The following CABCOCO1 variants were observed in gnomAD, a reference collection of about 807,000 sequenced individuals.
CABCOCO1 encodes the protein ciliary associated calcium binding coiled-coil 1.
A neutral mutation model predicts 35.7 loss-of-function variants in CABCOCO1; 28 were observed. That is an observed-to-expected ratio of 0.78 (90% CI 0.58 to 1.07). The LOEUF is 1.07. Among genes scored for constraint, CABCOCO1 ranks in the 50% least tolerant of loss-of-function variants. The probability of loss-of-function intolerance (pLI) is 0.00; values close to 1 mark genes in which losing one functional copy is unlikely to be tolerated. For missense variants in CABCOCO1, 326 were observed against 309.2 expected (o/e 1.05, Z -0.41); for synonymous variants, 95 against 100.1 (o/e 0.95, Z 0.30).
At chr10:61,721,369 C>T (rs1397735282) in intron 5 of CABCOCO1, among the ~76,000 whole-genome samples, 4 of 152,112 alleles carry the variant, frequency 2.6e-5, no homozygotes, top group African/African-American at 9.7e-5. Flanking sequence ...TTCTCCATCA[C>T]GTAATCCCCA....
chr10:61,764,987 T>A (rs1467871441), intron 7 of CABCOCO1, among the ~76,000 whole-genome samples: 1 of 152,208 alleles, frequency 6.6e-6, no homozygotes. Context: ...TTGATTTTTT[T>A]AAATGTCTTC....
chr10:61,760,906 C>G lies in CABCOCO1; in HGVS notation c.719C>G (p.Thr240Ser), dbSNP rs1841995903. 1 of 1,612,592 alleles carries G rather than the reference C, an allele frequency of 6.2e-7. No homozygotes were observed. Among genetic ancestry groups the G allele is most frequent in the Non-Finnish European group, 8.5e-7 (1 of 1,179,090 alleles). ...EQGPEESQPE[T>S]DTSDMDPLVG... The stretch of plus-strand genomic sequence containing the variant: ...GGCCCTGAGGAGTCTCAGCCAGAAA[C>G]TGACACCTCAGACATGGATCCTTTA... Residue 240 changes from threonine to serine, a missense_variant, in exon 7 of 8, where the codon ACT becomes AGT. Thr to Ser is a moderately conservative substitution (Grantham distance 58, BLOSUM62 1). Transcript: ENST00000648843.
At chr10:61,688,861 GA>G (rs1345851496) in intron 4 of CABCOCO1, among the ~76,000 whole-genome samples, 1 of 152,198 alleles carries the variant, frequency 6.6e-6, no homozygotes, top group East Asian at 1.9e-4. Flanking sequence ...TATCGCAGCT[GA>G]AGTGTCACTT....
intron 7 of CABCOCO1, 56 bp from the exon 8 acceptor site, chr10:61,765,883 A>G: frequency 4.7e-6 from 7 of 1,495,234 alleles, no homozygotes; most frequent in Non-Finnish European, 5.6e-6. Context: ...CACAAAGACA[A>G]TGTGCAGCAA....
intron 5 of CABCOCO1, among the ~76,000 whole-genome samples, chr10:61,698,213 C>A (rs1394843961): frequency 6.6e-6 from 1 of 152,046 alleles, no homozygotes; most frequent in African/African-American, 2.4e-5. Flanking sequence ...TTCTAACTTA[C>A]AAAATGTGTT....
At chr10:61,728,593 A>C (rs993197514) in intron 5 of CABCOCO1, among the ~76,000 whole-genome samples, 5 of 152,216 alleles carry the variant, frequency 3.3e-5, no homozygotes, top group African/African-American at 9.6e-5. Flanking sequence ...AGGAATTACT[A>C]GTTTTTAAAA....
intron 5 of CABCOCO1, among the ~76,000 whole-genome samples, chr10:61,719,849 A>G (rs1840956793): frequency 6.8e-6 from 1 of 147,000 alleles, no homozygotes; most frequent in Non-Finnish European, 1.5e-5. Context: ...TGAACTCAGG[A>G]GTCAGAGGTT....
At chr10:61,751,868 A>G (rs1421745134) in intron 5 of CABCOCO1, among the ~76,000 whole-genome samples, 3 of 152,244 alleles carry the variant, frequency 2.0e-5, no homozygotes, top group East Asian at 1.9e-4. Flanking sequence ...ATTTAAGGGG[A>G]AAAAAATCTA....
intron 5 of CABCOCO1, among the ~76,000 whole-genome samples, chr10:61,738,173 G>A (rs1339797475): frequency 6.6e-6 from 1 of 151,940 alleles, no homozygotes; most frequent in East Asian, 1.9e-4. Context: ...ACAACCAGTG[G>A]CTGAAAACCA....
At chr10:61,666,246 C>T (rs1839169693) in intron 1 of CABCOCO1, among the ~76,000 whole-genome samples, 1 of 152,178 alleles carries the variant, frequency 6.6e-6, no homozygotes, top group African/African-American at 2.4e-5. Flanking sequence ...AAACTCGGGG[C>T]TCAATTGAGC....
chr10:61,715,983 T>C (rs1399006583), intron 5 of CABCOCO1, among the ~76,000 whole-genome samples: 2 of 152,096 alleles, frequency 1.3e-5, no homozygotes, highest in East Asian at 3.8e-4. Flanking sequence ...CTGACAATTA[T>C]GTTTCTTGGG....
At chr10:61,765,916 G>A (rs756963567) in intron 7 of CABCOCO1, 23 bp from the exon 8 acceptor site, 11 of 1,602,296 alleles carry the variant, frequency 6.9e-6, no homozygotes, top group Non-Finnish European at 7.7e-6. Context: ...TCATAACCAC[G>A]TTTTTTATGA....
In CABCOCO1 at chr10:61,672,677, T is replaced by C; in HGVS notation, c.106T>C (p.Phe36Leu). 1.0e-6 allele frequency: 1 copy of C among 984,876 alleles called. No homozygotes were observed. Among genetic ancestry groups the C allele is most frequent in the Non-Finnish European group, 1.2e-6 (1 of 829,412 alleles). The allele number at this position is 984,876 out of a possible 1,614,324, so 61.0% of individuals were successfully genotyped here. Residue 36 changes from phenylalanine to leucine, a missense_variant, in exon 2 of 8, where the codon TTT becomes CTT. Phe to Leu is a conservative substitution (Grantham distance 22, BLOSUM62 0). Transcript: ENST00000648843. The stretch of plus-strand genomic sequence containing the variant: ...GCATGAAAAGATTCTGTCTCCGGAT[T>C]TTCTTTCAGTTGCCCAAATCACTGA... ...QEHEKILSPD[F>L]LSVAQITDLL...
intron 5 of CABCOCO1, among the ~76,000 whole-genome samples, chr10:61,728,228 A>G (rs11817812): frequency 0.12 from 18,050 of 151,680 alleles, 1,422 homozygotes; most frequent in African/African-American, 0.19. Context: ...TGGTTTTTCT[A>G]TTTTTTTGTT....
At chr10:61,698,443 G>C (rs1004661185) in intron 5 of CABCOCO1, among the ~76,000 whole-genome samples, 5 of 152,034 alleles carry the variant, frequency 3.3e-5, no homozygotes, top group African/African-American at 1.2e-4. Flanking sequence ...AGCAGAATCT[G>C]ATTATAATAA....
chr10:61,694,617 T>C (rs1840245330), intron 5 of CABCOCO1, among the ~76,000 whole-genome samples: 1 of 151,506 alleles, frequency 6.6e-6, no homozygotes, highest in African/African-American at 2.4e-5. Context: ...ACTAGAAAAA[T>C]TGGACAAGAT....
rs202053247 is a variant in CABCOCO1 at position 61,681,326 on chromosome 10, T to A, written c.334+14T>A. 1 of 1,503,952 alleles carries A rather than the reference T, an allele frequency of 6.6e-7. No individual in the cohort carries two copies. The highest frequency in any genetic ancestry group is 1.4e-5 in the African/African-American group (1 of 70,950). 93.2% of individuals were successfully genotyped at this position (1,503,952 alleles called of 1,614,324 possible). ...AAAATCTTAAAAGTAAGTACACTATTTTCCTTTGAAGTAAAACAAATTTAA... is the reference window on the plus strand; with the variant it reads ...AAAATCTTAAAAGTAAGTACACTATATTCCTTTGAAGTAAAACAAATTTAA... On this transcript the variant is annotated intron_variant, in intron 3 of 7. Coordinates refer to ENST00000648843, the MANE Select transcript of CABCOCO1 (RefSeq NM_001366906.2).
intron 5 of CABCOCO1, among the ~76,000 whole-genome samples, chr10:61,714,425 T>C (rs369369053): frequency 4.6e-5 from 7 of 151,974 alleles, no homozygotes; most frequent in Non-Finnish European, 5.9e-5. Context: ...GTCTTGCTAG[T>C]GGTCTATCAA....
chr10:61,759,925 CA>C, intron 5 of CABCOCO1, 133 bp from the exon 6 acceptor site: 2 of 1,118,776 alleles, frequency 1.8e-6, no homozygotes, highest in Non-Finnish European at 2.5e-6. Flanking sequence ...AGGGCAATGG[CA>C]TCAAAAATTC....
Sources: gnomAD v4.1 joint callset for allele counts (sites outside exome capture counted in the v4.1 genomes callset) on GRCh38, gnomAD v4.1.1 for gene constraint, MANE v1.5 for transcripts, NCBI Gene and HGNC (gene_info 2026-07-23, HGNC 2026-07-21) for gene names.